The following DPP10 variants were observed in gnomAD, a reference collection of about 807,000 sequenced individuals.
The protein encoded by DPP10 is dipeptidyl peptidase like 10.
Under a neutral mutation model 120.9 loss-of-function variants are expected in DPP10, and 33 were observed. That is an observed-to-expected ratio of 0.27 (90% CI 0.21 to 0.37). DPP10 has a LOEUF of 0.37. Ranked by LOEUF, DPP10 falls within the 10% of genes least tolerant of loss-of-function variation. DPP10 has a pLI of 1.00. For synonymous variants in DPP10, 337 were observed against 326.1 expected (o/e 1.03, Z -0.36); for missense variants, 816 against 942.8 (o/e 0.87, Z 1.76).
intron 3 of DPP10, among the ~76,000 whole-genome samples, chr2:115,495,268 A>G (rs1430168786): frequency 6.6e-6 from 1 of 151,162 alleles, no homozygotes; most frequent in Non-Finnish European, 1.5e-5. Flanking sequence ...GTGAACACAG[A>G]AAGGCAGGAA....
intron 5 of DPP10, among the ~76,000 whole-genome samples, chr2:115,633,828 T>A (rs1278817302): frequency 6.6e-6 from 1 of 152,178 alleles, no homozygotes; most frequent in Non-Finnish European, 1.5e-5. Context: ...AATGTTCACC[T>A]GTCTTGGTAG....
At chr2:114,684,117 T>C (rs1191617321) in intron 1 of DPP10, among the ~76,000 whole-genome samples, 1 of 151,966 alleles carries the variant, frequency 6.6e-6, no homozygotes, top group African/African-American at 2.4e-5. Context: ...GCATTCCAGA[T>C]AGGGAAGATT....
chr2:114,682,017 G>T (rs374961812), intron 1 of DPP10, among the ~76,000 whole-genome samples: 2 of 151,930 alleles, frequency 1.3e-5, no homozygotes, highest in African/African-American at 4.8e-5. Context: ...GAGTTAAAGC[G>T]TTGTCAATTG....
chr2:114,452,093 G>C (rs148611453), intron 1 of DPP10, among the ~76,000 whole-genome samples: 158 of 152,178 alleles, frequency 1.0e-3, no homozygotes, highest in African/African-American at 2.0e-3. Flanking sequence ...TCATTTAGCT[G>C]TACCAAAATT....
chr2:115,365,349 A>T (rs1316473950), intron 3 of DPP10, among the ~76,000 whole-genome samples: 3 of 151,968 alleles, frequency 2.0e-5, no homozygotes, highest in African/African-American at 7.2e-5. Flanking sequence ...GGACTCTCAC[A>T]GAGGAACATT....
rs1476901026 is a variant in DPP10, at chr2:115,402,854, A to AAATATAT, written c.271+58943_271+58944insATATATA. On this transcript the variant is annotated intron_variant, in intron 3 of 25. Transcript: ENST00000410059. ...AGGACACTACAAGGAAAAAAAAAAA[A>AAATATAT]ATATATATATATATATATATATGTG... 1.6e-3 allele frequency among the ~76,000 whole-genome samples: 153 copies of AAATATAT among 97,628 alleles called. 2 individuals are homozygous for AAATATAT. The South Asian group carries it at 0.029, about 18-fold the overall frequency. 64.0% of individuals were successfully genotyped at this position (97,628 alleles called of 152,430 possible).
intron 1 of DPP10, among the ~76,000 whole-genome samples, chr2:115,110,921 A>C (rs2104678676): frequency 6.6e-6 from 1 of 152,254 alleles, no homozygotes; most frequent in South Asian, 2.1e-4. Flanking sequence ...AAAGTTTACA[A>C]ATTTCACATT....
At chr2:115,540,692 G>T (rs1043049418) in intron 5 of DPP10, among the ~76,000 whole-genome samples, 9 of 151,654 alleles carry the variant, frequency 5.9e-5, no homozygotes. Flanking sequence ...TCAGACAATG[G>T]TTTTCATCAT....
intron 3 of DPP10, among the ~76,000 whole-genome samples, chr2:115,458,719 T>C (rs1171721843): frequency 1.3e-5 from 2 of 152,104 alleles, no homozygotes; most frequent in African/African-American, 4.8e-5. Context: ...TAAAATAAAC[T>C]CTGATATAGA....
At chr2:115,284,406 A>G (rs905644811) in intron 1 of DPP10, among the ~76,000 whole-genome samples, 1 of 151,988 alleles carries the variant, frequency 6.6e-6, no homozygotes, top group African/African-American at 2.4e-5. Context: ...TTTTTTGCTT[A>G]TAATCTCTGG....
intron 1 of DPP10, among the ~76,000 whole-genome samples, chr2:115,053,283 C>T (rs1312618053): frequency 6.6e-6 from 1 of 152,074 alleles, no homozygotes; most frequent in Non-Finnish European, 1.5e-5. Context: ...ATTATTCAGC[C>T]ACAAAAAGCA....
At chr2:115,541,309 A>G (rs2079157563) in intron 5 of DPP10, among the ~76,000 whole-genome samples, 1 of 151,830 alleles carries the variant, frequency 6.6e-6, no homozygotes, top group Non-Finnish European at 1.5e-5. Flanking sequence ...ATTATAAACA[A>G]TGTTGCGATG....
intron 8 of DPP10, among the ~76,000 whole-genome samples, chr2:115,734,088 A>C (rs1222338295): frequency 1.3e-5 from 2 of 152,196 alleles, no homozygotes; most frequent in African/African-American, 4.8e-5. Context: ...TTATCTTTCC[A>C]TCTGAAGAAA....
chr2:115,071,330 G>A (rs1054205669), intron 1 of DPP10, among the ~76,000 whole-genome samples: 3 of 152,094 alleles, frequency 2.0e-5, no homozygotes, highest in Non-Finnish European at 4.4e-5. Flanking sequence ...ACAAAGCAGT[G>A]CATGTAGAGA....
At chr2:115,291,007 G>A (rs2060629948) in intron 1 of DPP10, among the ~76,000 whole-genome samples, 1 of 152,006 alleles carries the variant, frequency 6.6e-6, no homozygotes, top group Non-Finnish European at 1.5e-5. Context: ...TTGTCCCTGA[G>A]TTTATTATTT....
chr2:114,599,021 A>G lies in DPP10; in HGVS notation c.60+156183A>G, dbSNP rs556986050. Among the ~76,000 whole-genome samples the G allele has an allele frequency of 2.0e-4, 31 of 151,992 alleles. No homozygotes were observed. The South Asian group carries it at 4.4e-3, about 21-fold the overall frequency. On this transcript the variant is annotated intron_variant, in intron 1 of 25. Transcript: ENST00000410059. ...CATAAGTCAATAATTGGATGAAAAG[A>G]GTTCTGCGTTTGCTTGACCTAAGTA...
intron 1 of DPP10, among the ~76,000 whole-genome samples, chr2:114,767,714 T>C (rs938541059): frequency 6.6e-6 from 1 of 152,158 alleles, no homozygotes; most frequent in African/African-American, 2.4e-5. Flanking sequence ...GGCCTAGACA[T>C]AAGAACTTTT....
chr2:115,215,722 A>C (rs2056780725), intron 1 of DPP10, among the ~76,000 whole-genome samples: 1 of 152,240 alleles, frequency 6.6e-6, no homozygotes, highest in African/African-American at 2.4e-5. Context: ...ATAACCAAAA[A>C]TAGAATTATC....
At chr2:114,949,933 T>C (rs1386567356) in intron 1 of DPP10, among the ~76,000 whole-genome samples, 1 of 152,232 alleles carries the variant, frequency 6.6e-6, no homozygotes, top group African/African-American at 2.4e-5. Flanking sequence ...TGTTTCTCTG[T>C]GGCATCTCCT....
Sources: allele counts gnomAD v4.1 joint callset (sites outside exome capture counted in the v4.1 genomes callset), GRCh38; gene constraint gnomAD v4.1.1; transcripts MANE v1.5; gene names NCBI Gene and HGNC (gene_info 2026-07-23, HGNC 2026-07-21).